Variants in SHISA7 observed in about 807,000 individuals in gnomAD.
SHISA7 encodes shisa family member 7, also known as protein shisa-7.
In SHISA7, 6 loss-of-function variants were observed where a neutral mutation model predicts 23.9. The ratio of observed to expected loss-of-function variants is 0.25; its 90% CI spans 0.14 to 0.50. SHISA7 has a LOEUF of 0.50. Ranked by LOEUF, SHISA7 falls within the 20% of genes least tolerant of loss-of-function variation. SHISA7 has a pLI of 0.98. For synonymous variants in SHISA7, 386 were observed against 398.3 expected (o/e 0.97, Z 0.37); for missense variants, 671 against 801.1 (o/e 0.84, Z 1.96).
chr19:55,441,875 G>T (rs1420823135), intron 1 of SHISA7, among the ~76,000 whole-genome samples: 1 of 152,234 alleles, frequency 6.6e-6, no homozygotes, highest in African/African-American at 2.4e-5. Context: ...TGGAAGTCAG[G>T]CTTTTCCACC....
At chr19:55,434,462 G>GTGGTGTGTGTGTA (rs1568450304) in intron 3 of SHISA7, among the ~76,000 whole-genome samples, 1 of 131,806 alleles carries the variant, frequency 7.6e-6, no homozygotes, top group African/African-American at 2.9e-5. Context: ...GTGTGGTTGT[G>GTGGTGTGTGTGTA]TGGTGTGTGT....
At position 55,432,978 on chromosome 19, in the gene SHISA7, G is replaced by C. The variant is rs1985246017; in HGVS notation, c.*178C>G. ...TCATGGGAAGGAGGCCTTGGCTCAA[G>C]CAGTGAAGTAATAGGAGGAGGAATC... On this transcript the variant is annotated 3_prime_UTR_variant, in exon 4 of 4. Transcript: ENST00000376325. The surrounding 1 kb of genome is among the most constrained non-coding windows in gnomAD (Gnocchi z 4.6). The C allele has an allele frequency of 5.2e-6, 4 of 769,818 alleles. No individual in the cohort carries two copies. The highest frequency in any genetic ancestry group is 3.8e-6 in the Non-Finnish European group (2 of 520,054). The allele number at this position is 769,818 out of a possible 1,614,324, so 47.7% of individuals were successfully genotyped here.
intron 3 of SHISA7, among the ~76,000 whole-genome samples, chr19:55,435,864 C>G (rs1045628073): frequency 6.6e-6 from 1 of 151,860 alleles, no homozygotes; most frequent in Non-Finnish European, 1.5e-5. Flanking sequence ...GAACATGGGA[C>G]TCATTTTATA....
Position 55,442,554 on chromosome 19 carries a change from G to T in SHISA7, c.310C>A (p.Arg104Ser). The T allele has an allele frequency of 6.8e-7, 1 of 1,479,984 alleles. No homozygotes were observed. The allele number at this position is 1,479,984 out of a possible 1,614,324, so 91.7% of individuals were successfully genotyped here. Residue 104 changes from arginine (R) to serine (S), a missense_variant, in exon 1 of 4, where the codon CGC becomes AGC. Coordinates refer to ENST00000376325, the MANE Select transcript of SHISA7 (RefSeq NM_001145176.2). The stretch of plus-strand genomic sequence containing the variant: ...TAGTGGCAGGTGCCACAGCAGAAGC[G>T]GTAGGAGCCGGTGCTGCAGTTGAAG... ...ATFNCSTGSYRFCCGTCHYRF... is the reference protein window; with the variant it reads ...ATFNCSTGSYSFCCGTCHYRF...
rs1232520521 is a variant in SHISA7 at position 55,433,723 on chromosome 19, G to T, written c.1050C>A (p.His350Gln). ...LELPRGTLPL[H>Q]ALRRPGTGGG... ...CCCCCGTGCCCGGCCGCCGCAGCGC[G>T]TGCAGGGGCAGCGTGCCGCGGGGCA... The change falls in exon 4 of 4, where the codon CAC (histidine) becomes CAA (glutamine). Residue 350 changes from histidine to glutamine, a missense_variant. Around this residue, in one of 5 missense-constraint regions of SHISA7, gnomAD observed 457 missense variants for 488.3 expected, o/e 0.94. Transcript: ENST00000376325. This position sits in a 1 kb window ranked among gnomAD's most constrained non-coding sequence, Gnocchi z 8.4. The T allele has an allele frequency of 1.4e-6, 2 of 1,474,096 alleles. No homozygotes were observed. The highest frequency in any genetic ancestry group is 1.8e-6 in the Non-Finnish European group (2 of 1,120,624). 91.3% of individuals were successfully genotyped at this position (1,474,096 alleles called of 1,614,324 possible).
At position 55,442,375 on chromosome 19, in the gene SHISA7, C is replaced by A. The variant is rs1568453406; in HGVS notation, c.489G>T (p.Gly163=). Residue 163 remains glycine, a synonymous_variant, in exon 1 of 4, where the codon GGG becomes GGT. Coordinates refer to ENST00000376325, the MANE Select transcript of SHISA7 (RefSeq NM_001145176.2). The stretch of plus-strand genomic sequence containing the variant: ...CCCCAGTCCGGCCCCCTTCCAACCA[C>A]CCGGCCTGGCCGGGCCCTGGCCCCC... ...AGGGPGPGQA[G]WLEGGRTGGA... The A allele has an allele frequency of 7.3e-7, 1 of 1,373,158 alleles. No homozygotes were observed. Among genetic ancestry groups the A allele is most frequent in the South Asian group, 1.7e-5 (1 of 60,460 alleles). The allele number at this position is 1,373,158 out of a possible 1,614,324, so 85.1% of individuals were successfully genotyped here.
chr19:55,430,791 C>A lies in SHISA7; in HGVS notation c.*2365G>T, dbSNP rs1158022170. The A allele has an allele frequency of 6.8e-6, 1 of 146,228 alleles. No homozygotes were observed. The highest frequency in any genetic ancestry group is 2.6e-5 in the African/African-American group (1 of 38,712). The allele number at this position is 146,228 out of a possible 1,614,324, so 9.1% of individuals were successfully genotyped here. A position where few individuals can be genotyped will look rare whatever the true frequency, so the allele number is the denominator to read the frequency against. On this transcript the variant is annotated 3_prime_UTR_variant, in exon 4 of 4. Transcript: ENST00000376325. ...CGGATCCTAGTGGATGGTGACAGCA[C>A]TGGACCTCATGGATCCTGGGAGAAG... is the stretch of plus-strand genomic sequence containing the variant.
At chr19:55,438,537 C>T (rs764468550) in intron 2 of SHISA7, 1 of 1,303,968 alleles carries the variant, frequency 7.7e-7, no homozygotes, top group Admixed American at 2.3e-5. Context: ...CTGCTCTTTT[C>T]CGCAGCCGGG....
At position 55,442,405 on chromosome 19, in the gene SHISA7, C is replaced by T. The variant is rs1160342864; in HGVS notation, c.459G>A (p.Ala153=). ...CCTGGCCGGGCCCTGGCCCCCCGCC[C>T]GCACCCCCAGCGCCCCCGGCGCCCC... is the stretch of plus-strand genomic sequence containing the variant. ...LAGGAGGAGG[A]GGGPGPGQAG... is the part of the protein sequence containing the mutation. Residue 153 remains alanine, a synonymous_variant, in exon 1 of 4, where the codon GCG becomes GCA. Transcript: ENST00000376325. 5.1e-6 allele frequency: 7 copies of T among 1,383,218 alleles called. No individual in the cohort carries two copies. In the African/African-American group the frequency reaches 9.1e-5, roughly 18 times the overall value. 85.7% of individuals were successfully genotyped at this position (1,383,218 alleles called of 1,614,324 possible).
intron 2 of SHISA7, 135 bp downstream of exon 2, chr19:55,440,476 G>C (rs939042029): frequency 2.4e-6 from 2 of 822,306 alleles, no homozygotes; most frequent in Admixed American, 4.3e-5. Flanking sequence ...GGCAGGACCC[G>C]GCAGTGCAAG....
In SHISA7 at chr19:55,437,732, G is replaced by C. The variant is rs1170530766; in HGVS notation, c.849C>G (p.Pro283=). 1 of 1,550,868 alleles carries C rather than the reference G, an allele frequency of 6.4e-7. No individual in the cohort carries two copies. The highest frequency in any genetic ancestry group is 2.0e-5 in the Admixed American group (1 of 50,964). ...GCGTGGAGTAGTGCAAGGAGGGGCT[G>C]GGCGGCGGCAAGGCTCGCCAGTCTG... is the stretch of plus-strand genomic sequence containing the variant. ...PNLDWRALPP[P]SPSLHYSTLS... Residue 283 remains proline, a synonymous_variant, in exon 3 of 4, where the codon CCC becomes CCG. Coordinates refer to ENST00000376325, the MANE Select transcript of SHISA7 (RefSeq NM_001145176.2).
intron 3 of SHISA7, 50 bp downstream of exon 3, chr19:55,437,555 T>C: frequency 2.6e-6 from 4 of 1,535,860 alleles, no homozygotes; most frequent in Non-Finnish European, 3.5e-6. Context: ...ACCCAGGCTC[T>C]GGCCCCGCCC....
chr19:55,431,446 T>C lies in SHISA7; in HGVS notation c.*1710A>G, dbSNP rs2123341771. 1 of 152,090 alleles carries C rather than the reference T, an allele frequency of 6.6e-6. No individual in the cohort carries two copies. Among genetic ancestry groups the C allele is most frequent in the Middle Eastern group, 3.4e-3 (1 of 294 alleles). The allele number at this position is 152,090 out of a possible 1,614,324, so 9.4% of individuals were successfully genotyped here. ...CTCCTGAAAGATGATGACACCATGG[T>C]TGTGAGGAATCATGGAGGATGGTGA... On this transcript the variant is annotated 3_prime_UTR_variant, in exon 4 of 4. Transcript: ENST00000376325.
chr19:55,442,708 G>T lies in SHISA7; in HGVS notation c.156C>A (p.Gly52=), dbSNP rs1985625606. The change falls in exon 1 of 4, where the codon GGC becomes GGA. Residue 52 remains glycine (G), a synonymous_variant. Transcript: ENST00000376325. ...TGCCGTTGGCGCCTGGGCTCGCCGC[G>T]CCCCCGCCGCCCGTCAGCGCCCCGG... ...RLTGALTGGG[G]AASPGANGTR... 3 of 1,018,036 alleles carry T rather than the reference G, an allele frequency of 2.9e-6. No homozygotes were observed. The highest frequency in any genetic ancestry group is 4.5e-5 in the South Asian group (1 of 22,444). The allele number at this position is 1,018,036 out of a possible 1,614,324, so 63.1% of individuals were successfully genotyped here.
intron 3 of SHISA7, among the ~76,000 whole-genome samples, chr19:55,434,479 T>G: frequency 8.8e-6 from 1 of 113,868 alleles, no homozygotes; most frequent in African/African-American, 3.4e-5. Context: ...GTGTGTATGG[T>G]GTGTGTGTGG....
rs1340477535 is a variant in SHISA7, at chr19:55,442,692, C to T, written c.172G>A (p.Ala58Thr). 2.9e-6 allele frequency: 3 copies of T among 1,029,612 alleles called. No individual in the cohort carries two copies. The highest frequency in any genetic ancestry group is 3.5e-6 in the Non-Finnish European group (3 of 860,834). The allele number at this position is 1,029,612 out of a possible 1,614,324, so 63.8% of individuals were successfully genotyped here. A position where few individuals can be genotyped will look rare whatever the true frequency, so the allele number is the denominator to read the frequency against. ...TGGGGAASPG[A>T]NGTRTGPAGG... ...GCGGGGCCGGTCCTGGTGCCGTTGG[C>T]GCCTGGGCTCGCCGCGCCCCCGCCG... is the stretch of plus-strand genomic sequence containing the variant. Residue 58 changes from alanine (A) to threonine (T), a missense_variant, in exon 1 of 4, where the codon GCC becomes ACC. Ala to Thr is a moderately conservative substitution (Grantham distance 58). This residue lies in a region of SHISA7 where 96 missense variants were observed against 113.1 expected (regional missense o/e 0.85). Transcript: ENST00000376325.
rs1985093954 is a variant in SHISA7 at position 55,428,777 on chromosome 19, C to T, written c.*4379G>A. ...CTATTTATTCCAAAAAATACCAAGT[C>T]GCAGCTCCTCTGGCTGTCCTCACCA... On this transcript the variant is annotated 3_prime_UTR_variant, in exon 4 of 4. Coordinates refer to ENST00000376325, the MANE Select transcript of SHISA7 (RefSeq NM_001145176.2). The T allele has an allele frequency of 6.6e-6, 1 of 152,156 alleles. No homozygotes were observed. The highest frequency in any genetic ancestry group is 1.5e-5 in the Non-Finnish European group (1 of 68,054). The allele number at this position is 152,156 out of a possible 1,614,324, so 9.4% of individuals were successfully genotyped here.
rs78060312 is a variant in SHISA7 at position 55,437,276 on chromosome 19, C to T, written c.976+329G>A. 5.5e-3 allele frequency among the ~76,000 whole-genome samples: 845 copies of T among 152,298 alleles called. 11 individuals carry two copies. The highest frequency in any genetic ancestry group is 0.019 in the African/African-American group (786 of 41,560). On this transcript the variant is annotated intron_variant, in intron 3 of 3. Transcript: ENST00000376325. ...TCTTGAGCCCCCAAAACAGCCACAT[C>T]GCAATCTGGTGACCTGTAGATTTTC...
intron 2 of SHISA7, among the ~76,000 whole-genome samples, chr19:55,440,317 G>A (rs953976483): frequency 3.3e-5 from 5 of 152,220 alleles, no homozygotes; most frequent in African/African-American, 1.2e-4. Flanking sequence ...TTGGCTGTTA[G>A]GTGGTCTGAC....
Sources: allele counts gnomAD v4.1 joint callset (sites outside exome capture counted in the v4.1 genomes callset), GRCh38; gene constraint gnomAD v4.1.1; regional missense constraint gnomAD v4.1.1; non-coding constraint Gnocchi (gnomAD v3.1); transcripts MANE v1.5; gene names NCBI Gene and HGNC (gene_info 2026-07-23, HGNC 2026-07-21).